Variants in MAP3K21 observed in about 807,000 individuals in gnomAD.
The protein encoded by MAP3K21 is mitogen-activated protein kinase kinase kinase MLK4.
In MAP3K21, 63 loss-of-function variants were observed where a neutral mutation model predicts 86.1. That is an observed-to-expected ratio of 0.73 (90% CI 0.60 to 0.90). MAP3K21 has a LOEUF of 0.90. MAP3K21 is among the 40% of genes least tolerant of loss of function. The pLI is 0.00. For synonymous variants in MAP3K21, 558 were observed against 564.8 expected (o/e 0.99, Z 0.17); for missense variants, 1,220 against 1,367.7 (o/e 0.89, Z 1.70).
At chr1:233,346,953 G>T (rs923937980) in intron 2 of MAP3K21, among the ~76,000 whole-genome samples, 9 of 152,320 alleles carry the variant, frequency 5.9e-5, no homozygotes, top group African/African-American at 2.2e-4. Flanking sequence ...ATGGCTCATT[G>T]TAGCCTCAAC....
At position 233,328,382 on chromosome 1, in the gene MAP3K21, C is replaced by G. The variant is rs747104849; in HGVS notation, c.354C>G (p.His118Gln). 5.4e-6 allele frequency: 8 copies of G among 1,485,538 alleles called. No homozygotes were observed. The South Asian group carries it at 7.6e-5, about 14-fold the overall frequency. 92.0% of individuals were successfully genotyped at this position (1,485,538 alleles called of 1,614,324 possible). A position where few individuals can be genotyped will look rare whatever the true frequency, so the allele number is the denominator to read the frequency against. Reference protein sequence around the residue: ...PPPSRPSSPVHVAFERLELKE... With the variant: ...PPPSRPSSPVQVAFERLELKE... ...CCTCGCGGCCCAGCTCCCCGGTACACGTCGCCTTCGAGCGGCTGGAGCTGA... is the reference window on the plus strand; with the variant it reads ...CCTCGCGGCCCAGCTCCCCGGTACAGGTCGCCTTCGAGCGGCTGGAGCTGA... The change falls in exon 1 of 10, where the codon CAC becomes CAG. Residue 118 changes from histidine (H) to glutamine (Q), a missense_variant. This residue lies in a region of MAP3K21 where 369 missense variants were observed against 385.3 expected (regional missense o/e 0.96). Coordinates refer to ENST00000366624, the MANE Select transcript of MAP3K21 (RefSeq NM_032435.3). The surrounding 1 kb of genome is among the most constrained non-coding windows in gnomAD (Gnocchi z 8.7).
At chr1:233,349,441 C>G (rs978367193) in intron 2 of MAP3K21, among the ~76,000 whole-genome samples, 2 of 152,054 alleles carry the variant, frequency 1.3e-5, no homozygotes, top group Admixed American at 6.6e-5. Flanking sequence ...ACCAGGTATA[C>G]GAATGCTGTG....
chr1:233,367,977 A>T (rs528572242), intron 5 of MAP3K21, among the ~76,000 whole-genome samples: 1 of 152,350 alleles, frequency 6.6e-6, no homozygotes, highest in Non-Finnish European at 1.5e-5. Flanking sequence ...GGTGTTGTTA[A>T]AATGCAGCCT....
intron 5 of MAP3K21, among the ~76,000 whole-genome samples, chr1:233,366,800 T>C (rs936912795): frequency 1.3e-5 from 2 of 152,230 alleles, no homozygotes; most frequent in Non-Finnish European, 1.5e-5. Flanking sequence ...TTTAATCTTA[T>C]GGGTATTTAT....
chr1:233,329,841 A>G (rs1189798706), intron 1 of MAP3K21, among the ~76,000 whole-genome samples: 1 of 152,250 alleles, frequency 6.6e-6, no homozygotes, highest in Non-Finnish European at 1.5e-5. Context: ...TTTATAAATC[A>G]GGGTGGATTT....
At chr1:233,366,784 A>G (rs996128035) in intron 5 of MAP3K21, among the ~76,000 whole-genome samples, 4 of 152,194 alleles carry the variant, frequency 2.6e-5, no homozygotes, top group Admixed American at 6.5e-5. Flanking sequence ...ATTACTGCTG[A>G]TCGTTTTTAA....
At chr1:233,365,693 A>G (rs2102760684) in intron 5 of MAP3K21, among the ~76,000 whole-genome samples, 1 of 152,316 alleles carries the variant, frequency 6.6e-6, no homozygotes, top group East Asian at 1.9e-4. Context: ...GTCTTTGAGA[A>G]TTATTGCTGA....
chr1:233,373,037 C>T (rs914941076), intron 6 of MAP3K21: 9 of 151,756 alleles, frequency 5.9e-5, no homozygotes, highest in African/African-American at 2.2e-4. Flanking sequence ...TAATGAAAAC[C>T]TTGGCACCAG....
intron 5 of MAP3K21, among the ~76,000 whole-genome samples, chr1:233,364,799 CAAG>C (rs1363137032): frequency 6.6e-6 from 1 of 151,998 alleles, no homozygotes; most frequent in Non-Finnish European, 1.5e-5. Context: ...AAAACATAAC[CAAG>C]AAATCTACTG....
At chr1:233,342,663 C>T (rs147717717) in intron 1 of MAP3K21, among the ~76,000 whole-genome samples, 1 of 152,266 alleles carries the variant, frequency 6.6e-6, no homozygotes, top group East Asian at 1.9e-4. Flanking sequence ...AAATCATTCA[C>T]AATTTTGTGG....
chr1:233,366,160 A>C (rs1663569505), intron 5 of MAP3K21, among the ~76,000 whole-genome samples: 1 of 151,906 alleles, frequency 6.6e-6, no homozygotes, highest in Non-Finnish European at 1.5e-5. Flanking sequence ...GTGGAAATAG[A>C]GAGTAGAATT....
At chr1:233,334,295 A>G (rs1662873310) in intron 1 of MAP3K21, among the ~76,000 whole-genome samples, 1 of 149,706 alleles carries the variant, frequency 6.7e-6, no homozygotes, top group African/African-American at 2.5e-5. Flanking sequence ...AAGAGACACC[A>G]CCTCTGGCTC....
At chr1:233,374,860 C>T (rs1663759634) in intron 6 of MAP3K21, among the ~76,000 whole-genome samples, 2 of 150,604 alleles carry the variant, frequency 1.3e-5, no homozygotes, top group Admixed American at 1.3e-4. Flanking sequence ...ATATTTCAAA[C>T]TGTTTTTAGA....
Position 233,328,845 on chromosome 1 carries a change from CAG to C in MAP3K21, c.805+15_805+16del. On this transcript the variant is annotated intron_variant, in intron 1 of 9. Coordinates refer to ENST00000366624, the MANE Select transcript of MAP3K21 (RefSeq NM_032435.3). The surrounding 1 kb of genome is among the most constrained non-coding windows in gnomAD (Gnocchi z 8.7). ...CAAGTCCAGCAACAGTAAGTGGGGC[CAG>C]AGGGAGGTGGGGGAAGACTACCTCC... 6.7e-7 allele frequency: 1 copy of C among 1,496,916 alleles called. No individual in the cohort carries two copies. Among genetic ancestry groups the C allele is most frequent in the Admixed American group, 2.2e-5 (1 of 45,726 alleles). 92.7% of individuals were successfully genotyped at this position (1,496,916 alleles called of 1,614,324 possible).
At chr1:233,347,198 A>C (rs1417258545) in intron 2 of MAP3K21, among the ~76,000 whole-genome samples, 3 of 152,190 alleles carry the variant, frequency 2.0e-5, no homozygotes, top group African/African-American at 7.2e-5. Flanking sequence ...CCCAGCCTGA[A>C]TTGACATTTT....
At position 233,375,744 on chromosome 1, in the gene MAP3K21, A is replaced by G. The variant is rs573025211; in HGVS notation, c.1676-172A>G. 1.8e-5 allele frequency: 10 copies of G among 549,518 alleles called. No individual in the cohort carries two copies. In the South Asian group the frequency reaches 2.5e-4, roughly 14 times the overall value. The allele number at this position is 549,518 out of a possible 1,614,324, so 34.0% of individuals were successfully genotyped here. ...CTCCATTTTTCTTGATGTTTTTATGATCAGAGAAAGAAACTTACCAGAGAT... is the reference window on the plus strand; with the variant it reads ...CTCCATTTTTCTTGATGTTTTTATGGTCAGAGAAAGAAACTTACCAGAGAT... On this transcript the variant is annotated intron_variant, in intron 6 of 9. Transcript: ENST00000366624.
At chr1:233,338,032 T>A (rs1662949847) in intron 1 of MAP3K21, among the ~76,000 whole-genome samples, 1 of 152,238 alleles carries the variant, frequency 6.6e-6, no homozygotes, top group African/African-American at 2.4e-5. Context: ...TATGAAAGAT[T>A]TCTGCCTCAG....
rs776979187 is a variant in MAP3K21, at chr1:233,376,531, A to C, written c.1924+4A>C. On this transcript the variant is annotated splice_donor_region_variant and intron_variant, in intron 8 of 9. Coordinates refer to ENST00000366624, the MANE Select transcript of MAP3K21 (RefSeq NM_032435.3). ...TCATTGTTTGTGGACCAGCCAGGTA[A>C]ATGTGTTTCAGGAGGTAGGATTTGC... The C allele has an allele frequency of 6.2e-7, 1 of 1,603,418 alleles. No homozygotes were observed. Among genetic ancestry groups the C allele is most frequent in the South Asian group, 1.1e-5 (1 of 90,370 alleles).
At position 233,379,604 on chromosome 1, in the gene MAP3K21, G is replaced by A. The variant is rs146000030; in HGVS notation, c.2598G>A (p.Pro866=). The A allele has an allele frequency of 8.7e-5, 141 of 1,614,122 alleles. No individual in the cohort carries two copies. Among genetic ancestry groups the A allele is most frequent in the South Asian group, 4.4e-4 (40 of 91,080 alleles). The change falls in exon 9 of 10, where the codon CCG becomes CCA. Residue 866 remains proline (P), a synonymous_variant. Transcript: ENST00000366624. ...DTDCSVSRNL[P]SSFLQQTCGN... is the part of the protein sequence containing the mutation. Reference sequence around the variant, plus strand: ...ATTGTAGTGTATCAAGAAACTTGCCGTCTTCCTTCCTACAGCAGACATGTG... The same window carrying A: ...ATTGTAGTGTATCAAGAAACTTGCCATCTTCCTTCCTACAGCAGACATGTG...
Sources: gnomAD v4.1 joint callset for allele counts (sites outside exome capture counted in the v4.1 genomes callset) on GRCh38, gnomAD v4.1.1 for gene constraint, gnomAD v4.1.1 regional missense constraint, Gnocchi (gnomAD v3.1) non-coding constraint, MANE v1.5 for transcripts, NCBI Gene and HGNC (gene_info 2026-07-23, HGNC 2026-07-21) for gene names.